FSTL5: variants seen among roughly 807,000 people sequenced by gnomAD.
The protein encoded by FSTL5 is follistatin-related protein 5.
FSTL5 carries 62 observed loss-of-function variants against 89.1 expected under a neutral mutation model. The observed-to-expected ratio is 0.70, with a 90% CI of 0.57 to 0.86. The LOEUF (loss-of-function observed/expected upper bound fraction) is 0.86, where lower values mean the gene tolerates loss of function less well. FSTL5 is among the 40% of genes least tolerant of loss of function. The probability of loss-of-function intolerance (pLI) is 0.00; values close to 1 mark genes in which losing one functional copy is unlikely to be tolerated. For synonymous variants in FSTL5, 383 were observed against 346.2 expected, an observed-to-expected ratio of 1.11 and a Z score of -1.18; for missense variants, 1,057 against 1,001.6, an observed-to-expected ratio of 1.06 and a Z score of -0.75.
chr4:161,567,964 A>G (rs1352920388), intron 8 of FSTL5, among the ~76,000 whole-genome samples: 2 of 152,026 alleles, frequency 1.3e-5, no homozygotes, highest in Non-Finnish European at 2.9e-5. Context: ...GATTGAGCAC[A>G]TGGAACTCAT....
intron 9 of FSTL5, 53 bp downstream of exon 9, chr4:161,542,479 G>GT: frequency 1.7e-6 from 2 of 1,152,946 alleles, no homozygotes; most frequent in Non-Finnish European, 2.3e-6. Context: ...ATAAATTTTA[G>GT]TATAAATTTT....
At chr4:161,795,967 G>A (rs187823446) in intron 4 of FSTL5, among the ~76,000 whole-genome samples, 60 of 151,760 alleles carry the variant, frequency 4.0e-4, no homozygotes, top group African/African-American at 1.3e-3. Context: ...TCTTTGTGTT[G>A]TAAACCCTCT....
At chr4:161,992,878 A>ATGTG (rs1307342323) in intron 3 of FSTL5, among the ~76,000 whole-genome samples, 11 of 15,566 alleles carry the variant, frequency 7.1e-4, no homozygotes, top group African/African-American at 1.9e-3. Flanking sequence ...ATATATATAT[A>ATGTG]TATATATATA....
At chr4:161,705,952 G>GTATATA (rs1206067350) in intron 6 of FSTL5, among the ~76,000 whole-genome samples, 27 of 30,624 alleles carry the variant, frequency 8.8e-4, no homozygotes, top group African/African-American at 4.0e-3. Flanking sequence ...GTAGATGTGT[G>GTATATA]TATATATATA....
intron 3 of FSTL5, among the ~76,000 whole-genome samples, chr4:161,926,612 T>C (rs966196029): frequency 4.0e-5 from 6 of 151,784 alleles, no homozygotes; most frequent in Non-Finnish European, 1.5e-5. Flanking sequence ...TTATTTCTTA[T>C]TTGATGTTCT....
intron 12 of FSTL5, among the ~76,000 whole-genome samples, chr4:161,483,338 C>A (rs1295204273): frequency 1.3e-5 from 2 of 152,230 alleles, no homozygotes; most frequent in East Asian, 1.9e-4. Flanking sequence ...TTTACAAATT[C>A]TTCGCCATTG....
intron 15 of FSTL5, among the ~76,000 whole-genome samples, chr4:161,434,992 C>A (rs1162204477): frequency 6.6e-6 from 1 of 152,000 alleles, no homozygotes; most frequent in Non-Finnish European, 1.5e-5. Flanking sequence ...ATTAGAAAAT[C>A]CACTGTGGGG....
intron 4 of FSTL5, among the ~76,000 whole-genome samples, chr4:161,905,561 T>C (rs960441253): frequency 6.6e-6 from 1 of 152,106 alleles, no homozygotes; most frequent in Admixed American, 6.6e-5. Flanking sequence ...ACAAACAAAA[T>C]ACTGGTTTTT....
intron 8 of FSTL5, among the ~76,000 whole-genome samples, chr4:161,556,328 G>A (rs1379612676): frequency 6.6e-6 from 1 of 151,478 alleles, no homozygotes; most frequent in Admixed American, 6.6e-5. Flanking sequence ...GATTCTGGAA[G>A]CTTTTGTTTA....
chr4:161,785,205 CAT>C (rs1474116087), intron 4 of FSTL5, among the ~76,000 whole-genome samples: 1 of 152,124 alleles, frequency 6.6e-6, no homozygotes, highest in Non-Finnish European at 1.5e-5. Flanking sequence ...AAAAGTTTCA[CAT>C]GAGGTACAGA....
intron 8 of FSTL5, among the ~76,000 whole-genome samples, chr4:161,543,722 G>T (rs531001313): frequency 6.6e-6 from 1 of 150,536 alleles, no homozygotes; most frequent in Admixed American, 6.7e-5. Context: ...AAATAAGCCT[G>T]AACTCCTACC....
chr4:162,088,934 T>C (rs1730428788), intron 2 of FSTL5, among the ~76,000 whole-genome samples: 2 of 152,260 alleles, frequency 1.3e-5, no homozygotes, highest in East Asian at 1.9e-4. Context: ...CAAAAGCATG[T>C]GTAGGATACT....
chr4:161,617,645 G>A (rs1734946642), intron 7 of FSTL5, among the ~76,000 whole-genome samples: 1 of 152,146 alleles, frequency 6.6e-6, no homozygotes, highest in Admixed American at 6.5e-5. Flanking sequence ...GTGACACATT[G>A]CATATAGTGA....
chr4:161,969,392 T>C (rs1377297992), intron 3 of FSTL5, among the ~76,000 whole-genome samples: 1 of 152,172 alleles, frequency 6.6e-6, no homozygotes, highest in Non-Finnish European at 1.5e-5. Flanking sequence ...TAAGACAATA[T>C]AGGCGAGAGC....
At chr4:162,159,619 AAT>A (rs1733616580) in intron 1 of FSTL5, among the ~76,000 whole-genome samples, 1 of 152,014 alleles carries the variant, frequency 6.6e-6, no homozygotes, top group East Asian at 1.9e-4. Context: ...AAGGAATAAA[AAT>A]ATGTTATGCG....
At chr4:161,950,908 G>A (rs1440040234) in intron 3 of FSTL5, among the ~76,000 whole-genome samples, 1 of 151,858 alleles carries the variant, frequency 6.6e-6, no homozygotes, top group Non-Finnish European at 1.5e-5. Context: ...TATTATTATT[G>A]ATGTTATTAT....
intron 3 of FSTL5, among the ~76,000 whole-genome samples, chr4:162,006,590 A>T (rs1374622794): frequency 6.6e-6 from 1 of 151,982 alleles, no homozygotes; most frequent in East Asian, 1.9e-4. Flanking sequence ...AATAATTAGC[A>T]TTATTATCCA....
chr4:161,443,299 T>C (rs1300741875), intron 15 of FSTL5, among the ~76,000 whole-genome samples: 1 of 151,990 alleles, frequency 6.6e-6, no homozygotes, highest in Non-Finnish European at 1.5e-5. Context: ...AAAAAACTTA[T>C]GCAAAAGACA....
intron 8 of FSTL5, among the ~76,000 whole-genome samples, chr4:161,573,412 C>CAA (rs59381258): frequency 6.8e-4 from 81 of 119,662 alleles, no homozygotes; most frequent in East Asian, 4.9e-3. Flanking sequence ...AAAACCCTGT[C>CAA]AAAAAAAAAA....
Sources: allele counts gnomAD v4.1 joint callset (sites outside exome capture counted in the v4.1 genomes callset), GRCh38; gene constraint gnomAD v4.1.1; transcripts MANE v1.5; gene names NCBI Gene and HGNC (gene_info 2026-07-23, HGNC 2026-07-21).